The following FNTA variants were observed in gnomAD, a reference collection of about 807,000 sequenced individuals.
FNTA encodes the protein farnesyltransferase, CAAX box, subunit alpha.
Under a neutral mutation model 55.2 loss-of-function variants are expected in FNTA, and 27 were observed. That is an observed-to-expected ratio of 0.49 (90% CI 0.36 to 0.67). FNTA has a LOEUF of 0.67. Ranked by LOEUF, FNTA falls within the 30% of genes least tolerant of loss-of-function variation. The pLI is 0.00. For missense variants in FNTA, 422 were observed against 464.7 expected, an observed-to-expected ratio of 0.91 and a Z score of 0.85; for synonymous variants, 176 against 170.7, an observed-to-expected ratio of 1.03 and a Z score of -0.24.
intron 3 of FNTA, among the ~76,000 whole-genome samples, chr8:43,065,164 T>G (rs923792784): frequency 6.6e-6 from 1 of 152,078 alleles, no homozygotes; most frequent in Admixed American, 6.6e-5. Flanking sequence ...TTATTCCTTC[T>G]GTGAAAGATA....
chr8:43,085,043 G>A lies in FNTA; in HGVS notation c.1018-117G>A, dbSNP rs1307911302. The stretch of plus-strand genomic sequence containing the variant: ...GACATCACTTGGCAACACAGCCGGT[G>A]ACTCTTAATAGTGTGTCTTCATTTG... On this transcript the variant is annotated intron_variant, in intron 8 of 8. Coordinates refer to ENST00000302279, the MANE Select transcript of FNTA (RefSeq NM_002027.3). 2.7e-6 allele frequency: 3 copies of A among 1,125,930 alleles called. No homozygotes were observed. In the Admixed American group the frequency reaches 7.6e-5, roughly 29 times the overall value. 69.7% of individuals were successfully genotyped at this position (1,125,930 alleles called of 1,614,324 possible). A position where few individuals can be genotyped will look rare whatever the true frequency, so the allele number is the denominator to read the frequency against.
At chr8:43,059,202 G>C (rs761334066) in intron 2 of FNTA, 25 bp downstream of exon 2, 7 of 1,526,256 alleles carry the variant, frequency 4.6e-6, no homozygotes, top group Non-Finnish European at 6.3e-6. Context: ...ATTAGGAAAA[G>C]GTCTGTAAGT....
chr8:43,085,364 C>A lies in FNTA; in HGVS notation c.*82C>A. On this transcript the variant is annotated 3_prime_UTR_variant, in exon 9 of 9. Coordinates refer to ENST00000302279, the MANE Select transcript of FNTA (RefSeq NM_002027.3). The stretch of plus-strand genomic sequence containing the variant: ...GAGTTTCACACGAGAGTGGTCCTTC[C>A]CTTTGCCTGTGGTGTAAAAGTGCAT... 1 of 1,345,030 alleles carries A rather than the reference C, an allele frequency of 7.4e-7. No individual in the cohort carries two copies. 83.3% of individuals were successfully genotyped at this position (1,345,030 alleles called of 1,614,324 possible).
At position 43,064,129 on chromosome 8, in the gene FNTA, T is replaced by C; in HGVS notation, c.315T>C (p.Ala105=). ...GAGATGTTTATGATTACTTCCGAGC[T>C]GTCCTGCAGCGTGATGAAAGAAGTG... ...KFRDVYDYFR[A]VLQRDERSER... is the part of the protein sequence containing the mutation. The change falls in exon 3 of 9, where the codon GCT becomes GCC. Residue 105 remains alanine, a synonymous_variant. Coordinates refer to ENST00000302279, the MANE Select transcript of FNTA (RefSeq NM_002027.3). 1 of 1,613,692 alleles carries C rather than the reference T, an allele frequency of 6.2e-7. No homozygotes were observed. Among genetic ancestry groups the C allele is most frequent in the Admixed American group, 1.7e-5 (1 of 59,976 alleles).
At chr8:43,066,758 A>G (rs984969180) in intron 3 of FNTA, among the ~76,000 whole-genome samples, 3 of 152,196 alleles carry the variant, frequency 2.0e-5, no homozygotes, top group Admixed American at 6.5e-5. Flanking sequence ...TGTGTGTGGC[A>G]GGATTTGTCA....
rs1284755986 is a variant in FNTA, at chr8:43,056,555, C to T, written c.200+9C>T. 1 of 1,413,044 alleles carries T rather than the reference C, an allele frequency of 7.1e-7. No homozygotes were observed. The allele number at this position is 1,413,044 out of a possible 1,614,324, so 87.5% of individuals were successfully genotyped here. A position where few individuals can be genotyped will look rare whatever the true frequency, so the allele number is the denominator to read the frequency against. ...TCCTATGTCCTGTACAGGTAACGCC[C>T]CCGCGGCGGCCGCGGCTCGGGACAC... On this transcript the variant is annotated intron_variant, in intron 1 of 8. Coordinates refer to ENST00000302279, the MANE Select transcript of FNTA (RefSeq NM_002027.3).
intron 3 of FNTA, among the ~76,000 whole-genome samples, chr8:43,068,417 G>A (rs1034044869): frequency 1.3e-5 from 2 of 152,126 alleles, no homozygotes; most frequent in African/African-American, 2.4e-5. Flanking sequence ...TGTTGGTGGT[G>A]GTGGTTAAAA....
chr8:43,084,804 T>C lies in FNTA; in HGVS notation c.940T>C (p.Phe314Leu). The change falls in exon 8 of 9, where the codon TTT (phenylalanine) becomes CTT (leucine). Residue 314 changes from phenylalanine (F) to leucine (L), a missense_variant. Physicochemically the swap from Phe to Leu is conservative, Grantham distance 22. Coordinates refer to ENST00000302279, the MANE Select transcript of FNTA (RefSeq NM_002027.3). Reference protein sequence around the residue: ...PSHSSPYLIAFLVDIYEDMLE... With the variant: ...PSHSSPYLIALLVDIYEDMLE... ...TCATAGTTCCCCCTACCTAATTGCC[T>C]TTCTTGTGGATATCTATGAAGACAT... 1 of 1,613,898 alleles carries C rather than the reference T, an allele frequency of 6.2e-7. No homozygotes were observed. The highest frequency in any genetic ancestry group is 8.5e-7 in the Non-Finnish European group (1 of 1,179,794).
At chr8:43,067,835 G>T (rs993812190) in intron 3 of FNTA, among the ~76,000 whole-genome samples, 1 of 151,888 alleles carries the variant, frequency 6.6e-6, no homozygotes, top group Non-Finnish European at 1.5e-5. Flanking sequence ...TTCTCGTGCT[G>T]CAGTGTCGCG....
Position 43,072,339 on chromosome 8 carries a change from T to A in FNTA, c.633+32T>A, listed in dbSNP as rs200910684. Reference sequence around the variant, plus strand: ...CCTTTCTTGTACAGTGTTTTTCAGATTTTTTTTTTAACTGAACTAAATAAA... The same window carrying A: ...CCTTTCTTGTACAGTGTTTTTCAGAATTTTTTTTTAACTGAACTAAATAAA... On this transcript the variant is annotated intron_variant, in intron 5 of 8. Coordinates refer to ENST00000302279, the MANE Select transcript of FNTA (RefSeq NM_002027.3). 16 of 1,030,906 alleles carry A rather than the reference T, an allele frequency of 1.6e-5. 1 individual carries two copies. The highest frequency in any genetic ancestry group is 2.4e-4 in the Middle Eastern group (1 of 4,102). The allele number at this position is 1,030,906 out of a possible 1,614,324, so 63.9% of individuals were successfully genotyped here. A position where few individuals can be genotyped will look rare whatever the true frequency, so the allele number is the denominator to read the frequency against.
At chr8:43,066,115 C>T (rs1445540996) in intron 3 of FNTA, among the ~76,000 whole-genome samples, 1 of 151,022 alleles carries the variant, frequency 6.6e-6, no homozygotes, top group East Asian at 1.9e-4. Flanking sequence ...TGTATCTCCT[C>T]AATTTTTCTT....
At chr8:43,073,465 T>G (rs1265156711) in intron 5 of FNTA, 1 of 152,224 alleles carries the variant, frequency 6.6e-6, no homozygotes, top group Non-Finnish European at 1.5e-5. Context: ...ATTATTTAAT[T>G]CATGTGAGTT....
intron 6 of FNTA, chr8:43,078,493 A>C (rs1484464443): frequency 1.3e-5 from 2 of 151,916 alleles, no homozygotes; most frequent in Non-Finnish European, 2.9e-5. Context: ...TTTTTTCATA[A>C]TCATTATATC....
intron 6 of FNTA, chr8:43,078,996 C>G (rs1810968172): frequency 6.5e-6 from 1 of 152,860 alleles, no homozygotes; most frequent in Non-Finnish European, 1.5e-5. Context: ...CCAGAGGAAG[C>G]CCTAATTCTC....
rs375620813 is a variant in FNTA, at chr8:43,083,160, T to C, written c.825T>C (p.Ser275=). 3.0e-5 allele frequency: 47 copies of C among 1,587,036 alleles called. No individual in the cohort carries two copies. Among genetic ancestry groups the C allele is most frequent in the Non-Finnish European group, 3.8e-5 (44 of 1,169,492 alleles). The part of the protein sequence containing the change: ...EMIKLVPHNE[S]AWNYLKGILQ... ...TTAAACTAGTACCACATAATGAAAG[T>C]GCATGGAACTATTTGAAAGGGTAAG... The change falls in exon 7 of 9, where the codon AGT becomes AGC. Residue 275 remains serine, a synonymous_variant. Transcript: ENST00000302279.
chr8:43,057,099 A>G (rs1218847370), intron 1 of FNTA: 2 of 152,166 alleles, frequency 1.3e-5, no homozygotes, highest in African/African-American at 2.4e-5. Flanking sequence ...GAGATTTGCT[A>G]CTGAACCTCT....
At position 43,083,150 on chromosome 8, in the gene FNTA, A is replaced by G. The variant is rs148659497; in HGVS notation, c.815A>G (p.His272Arg). The change falls in exon 7 of 9, where the codon CAT (histidine) becomes CGT (arginine). Residue 272 changes from histidine to arginine, a missense_variant. Transcript: ENST00000302279. ...CTGGAAATGATTAAACTAGTACCAC[A>G]TAATGAAAGTGCATGGAACTATTTG... ...YTLEMIKLVP[H>R]NESAWNYLKG... The G allele has an allele frequency of 3.8e-6, 6 of 1,587,996 alleles. No homozygotes were observed. Among genetic ancestry groups the G allele is most frequent in the African/African-American group, 1.4e-5 (1 of 73,140 alleles).
At position 43,064,184 on chromosome 8, in the gene FNTA, A is replaced by G. The variant is rs779878196; in HGVS notation, c.370A>G (p.Ile124Val). The change falls in exon 3 of 9, where the codon ATT becomes GTT. Residue 124 changes from isoleucine to valine, a missense_variant. Ile to Val is a conservative substitution (Grantham distance 29). Coordinates refer to ENST00000302279, the MANE Select transcript of FNTA (RefSeq NM_002027.3). ...AGCTTTTAAGCTAACCCGGGATGCT[A>G]TTGAGTTAAATGCAGCCAATTATAC... ...ERAFKLTRDA[I>V]ELNAANYTVW... 53 of 1,612,908 alleles carry G rather than the reference A, an allele frequency of 3.3e-5. No individual in the cohort carries two copies. The highest frequency in any genetic ancestry group is 4.2e-5 in the Non-Finnish European group (49 of 1,179,008).
chr8:43,077,121 C>T (rs1276041312), intron 5 of FNTA, 95 bp from the exon 6 acceptor site: 39 of 789,910 alleles, frequency 4.9e-5, no homozygotes, highest in Non-Finnish European at 7.3e-5. Context: ...CCTGTGTCCT[C>T]AGTTCTACCT....
Sources: allele counts gnomAD v4.1 joint callset (sites outside exome capture counted in the v4.1 genomes callset), GRCh38; gene constraint gnomAD v4.1.1; transcripts MANE v1.5; gene names NCBI Gene and HGNC (gene_info 2026-07-23, HGNC 2026-07-21).